Variants in KHDRBS2 observed in about 807,000 individuals in gnomAD.
KHDRBS2 encodes KH domain-containing, RNA-binding, signal transduction-associated protein 2.
A neutral mutation model predicts 44.3 loss-of-function variants in KHDRBS2; 26 were observed. That is an observed-to-expected ratio of 0.59 (90% CI 0.43 to 0.81). The LOEUF is 0.81. Ranked by LOEUF, KHDRBS2 falls within the 40% of genes least tolerant of loss-of-function variation. The pLI, the probability that KHDRBS2 is intolerant of heterozygous loss-of-function variation, is 0.00. For missense variants in KHDRBS2, 476 were observed against 433.1 expected, an observed-to-expected ratio of 1.10 and a Z score of -0.88; for synonymous variants, 194 against 151.1, an observed-to-expected ratio of 1.28 and a Z score of -2.08.
chr6:61,744,418 T>C (rs1326510242), intron 6 of KHDRBS2, among the ~76,000 whole-genome samples: 1 of 152,138 alleles, frequency 6.6e-6, no homozygotes, highest in Non-Finnish European at 1.5e-5. Flanking sequence ...CTATCCATTC[T>C]TTATGTTACT....
chr6:61,936,070 T>C (rs1170698779), intron 4 of KHDRBS2, among the ~76,000 whole-genome samples: 1 of 152,124 alleles, frequency 6.6e-6, no homozygotes, highest in Non-Finnish European at 1.5e-5. Flanking sequence ...AGAAACCATG[T>C]ATACTCTGAA....
At chr6:61,892,530 C>T (rs912506215) in intron 6 of KHDRBS2, among the ~76,000 whole-genome samples, 5 of 152,178 alleles carry the variant, frequency 3.3e-5, no homozygotes, top group African/African-American at 1.2e-4. Flanking sequence ...ACCAAAACAG[C>T]ATGGTACTGG....
chr6:61,637,180 CCT>C, the KHDRBS2 span, among the ~76,000 whole-genome samples: 1 of 151,970 alleles, frequency 6.6e-6, no homozygotes, highest in South Asian at 2.1e-4. Context: ...CTATCCCACC[CCT>C]GTCCCCCCAC....
the KHDRBS2 span, among the ~76,000 whole-genome samples, chr6:61,626,417 G>T: frequency 6.6e-6 from 1 of 152,138 alleles, no homozygotes; most frequent in Admixed American, 6.5e-5. Flanking sequence ...GCCAAATAGG[G>T]TAATTACAGC....
At chr6:61,789,999 A>AGTATAAAT (rs1351110948) in intron 6 of KHDRBS2, among the ~76,000 whole-genome samples, 2 of 151,494 alleles carry the variant, frequency 1.3e-5, no homozygotes, top group African/African-American at 4.8e-5. Context: ...ATAAAGATGC[A>AGTATAAAT]GTATAAATGA....
At chr6:61,617,730 A>G in the KHDRBS2 span, among the ~76,000 whole-genome samples, 1 of 152,170 alleles carries the variant, frequency 6.6e-6, no homozygotes, top group African/African-American at 2.4e-5. Flanking sequence ...AATTGTGTCC[A>G]AATGAATGCT....
intron 3 of KHDRBS2, among the ~76,000 whole-genome samples, chr6:62,010,576 C>T (rs756940490): frequency 2.3e-4 from 35 of 152,174 alleles, no homozygotes; most frequent in Middle Eastern, 3.4e-3. Flanking sequence ...CCCATAATTG[C>T]GATGTGTTGT....
intron 3 of KHDRBS2, among the ~76,000 whole-genome samples, chr6:61,982,800 A>C (rs1310193036): frequency 6.6e-6 from 1 of 152,174 alleles, no homozygotes; most frequent in East Asian, 1.9e-4. Flanking sequence ...TATGGGCCTC[A>C]GTAGACTAAG....
chr6:61,573,517 T>A, the KHDRBS2 span, among the ~76,000 whole-genome samples: 4 of 152,044 alleles, frequency 2.6e-5, no homozygotes, highest in Non-Finnish European at 5.9e-5. Context: ...AAGCTGGGCA[T>A]GGTGGCTCAC....
intron 2 of KHDRBS2, among the ~76,000 whole-genome samples, chr6:62,139,124 A>C (rs1812203888): frequency 6.6e-6 from 1 of 152,066 alleles, no homozygotes; most frequent in Admixed American, 6.6e-5. Flanking sequence ...TTCAGATTTT[A>C]TTACTTTTCA....
chr6:61,955,701 T>C (rs1767021781), intron 4 of KHDRBS2, among the ~76,000 whole-genome samples: 7 of 108,098 alleles, frequency 6.5e-5, no homozygotes, highest in Admixed American at 5.2e-4. Context: ...TATATGTGTA[T>C]ATATACACAT....
chr6:62,238,651 C>T (rs752831565), intron 1 of KHDRBS2, among the ~76,000 whole-genome samples: 4 of 150,734 alleles, frequency 2.7e-5, no homozygotes, highest in Non-Finnish European at 5.9e-5. Context: ...TTGATAAATG[C>T]TAAGATGACT....
At chr6:62,073,928 C>G (rs1190941235) in intron 2 of KHDRBS2, among the ~76,000 whole-genome samples, 3 of 151,768 alleles carry the variant, frequency 2.0e-5, no homozygotes, top group Non-Finnish European at 4.4e-5. Context: ...CCTGCTTTTC[C>G]CCTAAGTGGT....
At chr6:62,116,307 G>A (rs994337734) in intron 2 of KHDRBS2, among the ~76,000 whole-genome samples, 3 of 152,030 alleles carry the variant, frequency 2.0e-5, no homozygotes, top group Non-Finnish European at 2.9e-5. Context: ...TATTTCTCCT[G>A]TCTAACTGCA....
Position 61,749,744 on chromosome 6 carries a change from G to A in KHDRBS2, c.811-16980C>T, listed in dbSNP as rs566847366. Among the ~76,000 whole-genome samples the A allele has an allele frequency of 1.1e-4, 16 of 152,220 alleles. No individual in the cohort carries two copies. In the East Asian group the frequency reaches 1.7e-3, roughly 17 times the overall value. On this transcript the variant is annotated intron_variant, in intron 6 of 8. Coordinates refer to ENST00000281156, the MANE Select transcript of KHDRBS2 (RefSeq NM_152688.4). ...ATAATCTCTGAGAGTTCTGGGGAACGTTTCAATATGCAGACACCGAACAAT... is the reference window on the plus strand; with the variant it reads ...ATAATCTCTGAGAGTTCTGGGGAACATTTCAATATGCAGACACCGAACAAT...
chr6:62,266,268 A>C (rs984549307), intron 1 of KHDRBS2, among the ~76,000 whole-genome samples: 1 of 152,022 alleles, frequency 6.6e-6, no homozygotes, highest in Non-Finnish European at 1.5e-5. Context: ...TTCAGTGCAC[A>C]TCTGTCCACC....
intron 1 of KHDRBS2, among the ~76,000 whole-genome samples, chr6:62,212,390 T>G (rs1405754150): frequency 2.0e-5 from 3 of 151,744 alleles, no homozygotes; most frequent in Non-Finnish European, 4.4e-5. Flanking sequence ...ATATGAGAGA[T>G]AAGGAGGAAA....
At chr6:61,953,282 T>A (rs1024845355) in intron 4 of KHDRBS2, among the ~76,000 whole-genome samples, 2 of 152,080 alleles carry the variant, frequency 1.3e-5, no homozygotes, top group Non-Finnish European at 2.9e-5. Flanking sequence ...CAAGACTTTA[T>A]ACATTCTAAC....
chr6:61,954,553 T>A (rs1363158282), intron 4 of KHDRBS2, among the ~76,000 whole-genome samples: 10 of 147,194 alleles, frequency 6.8e-5, no homozygotes, highest in Admixed American at 5.4e-4. Flanking sequence ...TATATATGTA[T>A]ATATACACAT....
Sources: allele counts gnomAD v4.1 joint callset (sites outside exome capture counted in the v4.1 genomes callset), GRCh38; gene constraint gnomAD v4.1.1; transcripts MANE v1.5; gene names NCBI Gene and HGNC (gene_info 2026-07-23, HGNC 2026-07-21).